Variants in MTDH observed in about 807,000 individuals in gnomAD.
MTDH encodes the protein protein LYRIC.
In MTDH, 34 loss-of-function variants were observed where a neutral mutation model predicts 72.7. The observed-to-expected ratio is 0.47, with a 90% CI of 0.36 to 0.62. MTDH has a LOEUF of 0.62. Among genes scored for constraint, MTDH ranks in the 20% least tolerant of loss-of-function variants. The pLI is 0.00. For synonymous variants in MTDH, 266 were observed against 268.9 expected (o/e 0.99, Z 0.10); for missense variants, 677 against 699.4 (o/e 0.97, Z 0.36).
intron 8 of MTDH, among the ~76,000 whole-genome samples, chr8:97,710,832 T>C (rs1814600640): frequency 6.6e-6 from 1 of 151,658 alleles, no homozygotes. Context: ...AAACCCCATC[T>C]CTACTGAAAA....
In MTDH at chr8:97,729,378, C is replaced by T. The variant is rs980405270; in HGVS notation, c.*4708C>T. On this transcript the variant is annotated 3_prime_UTR_variant, in exon 12 of 12. Transcript: ENST00000336273. ...ACAATACATAAACTTCAATTTCAAA[C>T]AGTTGCTTGGTCCCACTAGCCATGA... is the stretch of plus-strand genomic sequence containing the variant. Among the ~76,000 whole-genome samples the T allele has an allele frequency of 5.9e-5, 9 of 152,118 alleles. No individual in the cohort carries two copies. Among genetic ancestry groups the T allele is most frequent in the African/African-American group, 2.2e-4 (9 of 41,440 alleles).
chr8:97,655,072 C>T (rs1429411850), intron 1 of MTDH, among the ~76,000 whole-genome samples: 1 of 152,148 alleles, frequency 6.6e-6, no homozygotes, highest in Non-Finnish European at 1.5e-5. Flanking sequence ...GCACTCCAGC[C>T]TGGGCAACAG....
chr8:97,655,719 A>G (rs944018581), intron 1 of MTDH, among the ~76,000 whole-genome samples: 2 of 152,152 alleles, frequency 1.3e-5, no homozygotes, highest in Admixed American at 6.5e-5. Flanking sequence ...TGGGAGGCCA[A>G]AGAGGGAGGA....
intron 8 of MTDH, among the ~76,000 whole-genome samples, chr8:97,712,220 T>C (rs896144890): frequency 1.3e-5 from 2 of 152,164 alleles, no homozygotes; most frequent in African/African-American, 4.8e-5. Context: ...TTATTTTTAG[T>C]AGAGATGGGG....
rs371936849 is a variant in MTDH, at chr8:97,660,883, T to TTATATATA, written c.382-178_382-171dup. On this transcript the variant is annotated intron_variant, in intron 1 of 11. Coordinates refer to ENST00000336273, the MANE Select transcript of MTDH (RefSeq NM_178812.4). ...TGGTACAGAATTTTGCTTATGAATTTTATATATATATATATATAAACACTA... is the reference window on the plus strand; with the variant it reads ...TGGTACAGAATTTTGCTTATGAATTTTATATATATATATATATATATATATAAACACTA... Among the ~76,000 whole-genome samples the TTATATATA allele has an allele frequency of 7.0e-5, 9 of 128,300 alleles. No homozygotes were observed. The East Asian group carries it at 1.8e-3, about 25-fold the overall frequency. 84.2% of individuals were successfully genotyped at this position (128,300 alleles called of 152,430 possible). A position where few individuals can be genotyped will look rare whatever the true frequency, so the allele number is the denominator to read the frequency against.
At chr8:97,707,003 A>C (rs1814381617) in intron 8 of MTDH, among the ~76,000 whole-genome samples, 1 of 152,196 alleles carries the variant, frequency 6.6e-6, no homozygotes, top group Non-Finnish European at 1.5e-5. Context: ...CAATAATAGC[A>C]TCAGAAACAG....
At chr8:97,666,990 C>T (rs1812417932) in intron 2 of MTDH, among the ~76,000 whole-genome samples, 2 of 151,882 alleles carry the variant, frequency 1.3e-5, no homozygotes, top group South Asian at 4.2e-4. Flanking sequence ...ATCCACCGTA[C>T]CCTGCCATTT....
At chr8:97,689,182 A>G (rs982291042) in intron 5 of MTDH, 79 bp downstream of exon 5, 15 of 732,488 alleles carry the variant, frequency 2.0e-5, no homozygotes, top group Admixed American at 1.6e-4. Context: ...CCTCAAATGA[A>G]TGACACAGAA....
Position 97,674,837 on chromosome 8 carries a change from G to T in MTDH, c.484-11831G>T, listed in dbSNP as rs554307812. On this transcript the variant is annotated intron_variant, in intron 2 of 11. Transcript: ENST00000336273. ...TTCTTTTTTTTTTTCTTGAGACAGAGTCTTGCTCTGTCACCTAGGCTGAAC... is the reference window on the plus strand; with the variant it reads ...TTCTTTTTTTTTTTCTTGAGACAGATTCTTGCTCTGTCACCTAGGCTGAAC... Among the ~76,000 whole-genome samples the T allele has an allele frequency of 5.9e-5, 9 of 151,524 alleles. No homozygotes were observed. The East Asian group carries it at 7.8e-4, about 13-fold the overall frequency.
At chr8:97,677,592 T>C (rs778306452) in intron 2 of MTDH, among the ~76,000 whole-genome samples, 6 of 152,142 alleles carry the variant, frequency 3.9e-5, no homozygotes, top group Non-Finnish European at 8.8e-5. Context: ...GTTATGATGA[T>C]TTAATCAGAT....
At chr8:97,654,623 G>T (rs1202352826) in intron 1 of MTDH, among the ~76,000 whole-genome samples, 1 of 151,402 alleles carries the variant, frequency 6.6e-6, no homozygotes, top group Admixed American at 6.6e-5. Flanking sequence ...TGTTACATAG[G>T]TATACATGTG....
chr8:97,653,692 G>A (rs1479238607), intron 1 of MTDH, among the ~76,000 whole-genome samples: 1 of 152,158 alleles, frequency 6.6e-6, no homozygotes, highest in African/African-American at 2.4e-5. Context: ...GGCTGTAAAA[G>A]CCTTGAGAGT....
intron 3 of MTDH, 51 bp downstream of exon 3, chr8:97,686,803 C>A: frequency 1.6e-6 from 2 of 1,273,508 alleles, no homozygotes; most frequent in South Asian, 2.8e-5. Context: ...CCTTTTTTAT[C>A]AAAGTGTATT....
At chr8:97,658,592 G>A (rs1259094357) in intron 1 of MTDH, among the ~76,000 whole-genome samples, 1 of 152,152 alleles carries the variant, frequency 6.6e-6, no homozygotes, top group Non-Finnish European at 1.5e-5. Context: ...ATGTAAATGA[G>A]TAAAATGAAG....
chr8:97,717,611 A>G (rs1814925008), intron 9 of MTDH, among the ~76,000 whole-genome samples: 1 of 141,080 alleles, frequency 7.1e-6, no homozygotes, highest in Non-Finnish European at 1.5e-5. Context: ...TTTATGTATA[A>G]TAAATTTTTA....
At position 97,706,668 on chromosome 8, in the gene MTDH, C is replaced by T; in HGVS notation, c.1190C>T (p.Pro397Leu). The part of the protein sequence containing the change: ...SADPNSDWNA[P>L]AEEWGNWVDE... Reference sequence around the variant, plus strand: ...GATCCCAACTCTGATTGGAATGCACCAGCAGAAGAGTGGGGCAATTGGGTA... The same window carrying T: ...GATCCCAACTCTGATTGGAATGCACTAGCAGAAGAGTGGGGCAATTGGGTA... Residue 397 changes from proline (P) to leucine (L), a missense_variant, in exon 8 of 12, where the codon CCA becomes CTA. Coordinates refer to ENST00000336273, the MANE Select transcript of MTDH (RefSeq NM_178812.4). 1.2e-6 allele frequency: 2 copies of T among 1,613,504 alleles called. No individual in the cohort carries two copies. The highest frequency in any genetic ancestry group is 1.7e-6 in the Non-Finnish European group (2 of 1,179,688).
chr8:97,676,461 C>T (rs979179755), intron 2 of MTDH, among the ~76,000 whole-genome samples: 1 of 152,186 alleles, frequency 6.6e-6, no homozygotes, highest in African/African-American at 2.4e-5. Context: ...AATTCTCTGT[C>T]AAAATCTGCT....
chr8:97,652,635 A>G (rs1811818128), intron 1 of MTDH, among the ~76,000 whole-genome samples: 1 of 152,256 alleles, frequency 6.6e-6, no homozygotes. Flanking sequence ...AAAGCTGAAC[A>G]AAGTGACTAA....
intron 1 of MTDH, among the ~76,000 whole-genome samples, chr8:97,645,231 A>G (rs564123918): frequency 3.9e-4 from 59 of 152,296 alleles, no homozygotes; most frequent in South Asian, 6.2e-4. Flanking sequence ...AGTAGGCTGC[A>G]TGTGGAGCGT....
Sources: allele counts gnomAD v4.1 joint callset (sites outside exome capture counted in the v4.1 genomes callset), GRCh38; gene constraint gnomAD v4.1.1; transcripts MANE v1.5; gene names NCBI Gene and HGNC (gene_info 2026-07-23, HGNC 2026-07-21).